Variants in TMCC1 observed in about 807,000 individuals in gnomAD.
TMCC1 encodes the protein transmembrane and coiled-coil domains protein 1.
In TMCC1, 15 loss-of-function variants were observed where a neutral mutation model predicts 52.4. The observed-to-expected ratio is 0.29, with a 90% CI of 0.19 to 0.44. TMCC1 has a LOEUF of 0.44. TMCC1 is among the 20% of genes least tolerant of loss of function. The probability of loss-of-function intolerance (pLI) is 1.00; values close to 1 mark genes in which losing one functional copy is unlikely to be tolerated. For synonymous variants in TMCC1, 279 were observed against 301.9 expected, an observed-to-expected ratio of 0.92 and a Z score of 0.79; for missense variants, 503 against 806.0, an observed-to-expected ratio of 0.62 and a Z score of 4.55.
chr3:129,753,971 A>G (rs1018225404), intron 4 of TMCC1, among the ~76,000 whole-genome samples: 1 of 151,948 alleles, frequency 6.6e-6, no homozygotes, highest in African/African-American at 2.4e-5. Context: ...TCCCCCAAAC[A>G]AAAGACCCAC....
chr3:129,749,270 C>T (rs940777311), intron 4 of TMCC1, among the ~76,000 whole-genome samples: 2 of 152,054 alleles, frequency 1.3e-5, no homozygotes, highest in African/African-American at 4.8e-5. Context: ...ATACCAATTA[C>T]GAATCATTTA....
intron 4 of TMCC1, among the ~76,000 whole-genome samples, chr3:129,740,992 A>T (rs1033788823): frequency 1.3e-5 from 2 of 152,146 alleles, no homozygotes; most frequent in African/African-American, 2.4e-5. Context: ...CTCAGGACTC[A>T]TTGCCCCTTT....
At chr3:129,821,220 G>A (rs1047254439) in intron 4 of TMCC1, among the ~76,000 whole-genome samples, 4 of 152,166 alleles carry the variant, frequency 2.6e-5, no homozygotes, top group African/African-American at 9.7e-5. Context: ...CTGTAGATGT[G>A]TAGATGTAGA....
intron 4 of TMCC1, among the ~76,000 whole-genome samples, chr3:129,736,524 CTTTT>C (rs758923804): frequency 7.2e-6 from 1 of 139,356 alleles, no homozygotes. Flanking sequence ...ATTTTCTTTT[CTTTT>C]TTTTTTTTTT....
At chr3:129,772,722 CAAAAAAAA>C (rs34785535) in intron 4 of TMCC1, among the ~76,000 whole-genome samples, 1 of 76,192 alleles carries the variant, frequency 1.3e-5, no homozygotes, top group Non-Finnish European at 2.5e-5. Flanking sequence ...GACTCCGCCT[CAAAAAAAA>C]AAAAAAAAAA....
chr3:129,653,773 T>C (rs535041240), intron 6 of TMCC1, among the ~76,000 whole-genome samples: 1 of 152,320 alleles, frequency 6.6e-6, no homozygotes, highest in Non-Finnish European at 1.5e-5. Context: ...TAACTTTATA[T>C]TATTTAATTT....
At chr3:129,700,406 T>C (rs758194507) in intron 4 of TMCC1, among the ~76,000 whole-genome samples, 3 of 152,212 alleles carry the variant, frequency 2.0e-5, no homozygotes, top group South Asian at 4.1e-4. Flanking sequence ...CTGTTGAATA[T>C]TGGGAGATGC....
intron 1 of TMCC1, among the ~76,000 whole-genome samples, chr3:129,884,965 C>T (rs1433038844): frequency 6.6e-6 from 1 of 151,704 alleles, no homozygotes. Context: ...ATGGTGAAAC[C>T]TCATCTCTAC....
chr3:129,776,137 C>T (rs569607148), intron 4 of TMCC1, among the ~76,000 whole-genome samples: 6 of 152,270 alleles, frequency 3.9e-5, no homozygotes, highest in South Asian at 2.1e-4. Flanking sequence ...AATATCACCT[C>T]GTCACAGAAT....
At chr3:129,750,100 G>C (rs909066810) in intron 4 of TMCC1, among the ~76,000 whole-genome samples, 24 of 152,084 alleles carry the variant, frequency 1.6e-4, no homozygotes, top group African/African-American at 5.8e-4. Context: ...GTGTTTCTTG[G>C]ATAAGTCATC....
At chr3:129,703,007 C>T (rs944237940) in intron 4 of TMCC1, among the ~76,000 whole-genome samples, 1 of 152,200 alleles carries the variant, frequency 6.6e-6, no homozygotes, top group East Asian at 1.9e-4. Flanking sequence ...CAGAGCGAGA[C>T]TTTGTCTCAA....
intron 4 of TMCC1, among the ~76,000 whole-genome samples, chr3:129,778,463 C>T (rs1018504698): frequency 1.3e-5 from 2 of 152,184 alleles, no homozygotes; most frequent in Non-Finnish European, 2.9e-5. Context: ...TTTCTGCTTT[C>T]AGCACAGGTT....
chr3:129,709,836 G>A (rs2048531880), intron 4 of TMCC1, among the ~76,000 whole-genome samples: 1 of 152,022 alleles, frequency 6.6e-6, no homozygotes, highest in Non-Finnish European at 1.5e-5. Flanking sequence ...AATTGAGGAC[G>A]ATGTCTATCT....
intron 4 of TMCC1, among the ~76,000 whole-genome samples, chr3:129,708,517 T>C (rs1373120409): frequency 6.6e-6 from 1 of 152,230 alleles, no homozygotes; most frequent in Non-Finnish European, 1.5e-5. Flanking sequence ...ATAAATGTGG[T>C]ACAGCTGAAT....
At chr3:129,699,528 A>G (rs991784279) in intron 4 of TMCC1, among the ~76,000 whole-genome samples, 1 of 152,222 alleles carries the variant, frequency 6.6e-6, no homozygotes, top group African/African-American at 2.4e-5. Context: ...ACATATCCTT[A>G]GTTGAATAGC....
intron 4 of TMCC1, among the ~76,000 whole-genome samples, chr3:129,805,138 T>C (rs1237946527): frequency 6.6e-6 from 1 of 152,150 alleles, no homozygotes; most frequent in Non-Finnish European, 1.5e-5. Context: ...AGCCTTAATA[T>C]CGAAAGTCAC....
chr3:129,748,719 C>T (rs1032500951), intron 4 of TMCC1, among the ~76,000 whole-genome samples: 2 of 151,924 alleles, frequency 1.3e-5, no homozygotes, highest in African/African-American at 4.8e-5. Context: ...ATTTCAATTT[C>T]GGGCCAGCTG....
intron 4 of TMCC1, among the ~76,000 whole-genome samples, chr3:129,755,213 G>A (rs2052894995): frequency 6.6e-6 from 1 of 152,010 alleles, no homozygotes; most frequent in African/African-American, 2.4e-5. Context: ...GGGGGGAGGG[G>A]AATAAGGGTT....
chr3:129,725,719 AATTTTGATTCCCT>A (rs1351389792), intron 4 of TMCC1, among the ~76,000 whole-genome samples: 1 of 152,110 alleles, frequency 6.6e-6, no homozygotes, highest in East Asian at 1.9e-4. Context: ...TATCAAAGGA[AATTTTGATTCCCT>A]AGTTTTAAGA....
Sources: allele counts gnomAD v4.1 joint callset (sites outside exome capture counted in the v4.1 genomes callset), GRCh38; gene constraint gnomAD v4.1.1; transcripts MANE v1.5; gene names NCBI Gene and HGNC (gene_info 2026-07-23, HGNC 2026-07-21).